The following EDDM13 variants were observed in gnomAD, a reference collection of about 807,000 sequenced individuals.
EDDM13 encodes epididymal protein 13.
EDDM13 carries 24 observed loss-of-function variants against 17.8 expected under a neutral mutation model. That is an observed-to-expected ratio of 1.35 (90% CI 0.98 to 1.90). The LOEUF (loss-of-function observed/expected upper bound fraction) is 1.90. EDDM13 is among the 40% of genes most tolerant of loss of function. The probability of loss-of-function intolerance (pLI) is 0.00; values close to 1 mark genes in which losing one functional copy is unlikely to be tolerated. For synonymous variants in EDDM13, 31 were observed against 37.5 expected (o/e 0.83, Z 0.63); for missense variants, 97 against 100.8 (o/e 0.96, Z 0.16).
At chr19:56,302,337 CCCTTT>C (rs1258477203) in intron 13 of EDDM13, among the ~76,000 whole-genome samples, 7 of 141,780 alleles carry the variant, frequency 4.9e-5, no homozygotes, top group East Asian at 4.9e-4. Flanking sequence ...CTTCCTCCTT[CCCTTT>C]CCTCTTCCTT....
Sources: allele counts gnomAD v4.1 joint callset (sites outside exome capture counted in the v4.1 genomes callset), GRCh38; gene constraint gnomAD v4.1.1; transcripts MANE v1.5; gene names NCBI Gene and HGNC (gene_info 2026-07-23, HGNC 2026-07-21).